Variants in ANKRD42 observed in about 807,000 individuals in gnomAD.
The protein encoded by ANKRD42 is ankyrin repeat domain-containing protein 42.
Under a neutral mutation model 51.5 loss-of-function variants are expected in ANKRD42, and 43 were observed. The ratio of observed to expected loss-of-function variants is 0.83; its 90% confidence interval spans 0.65 to 1.08. ANKRD42 has a LOEUF of 1.08. Among genes scored for constraint, ANKRD42 ranks in the 50% least tolerant of loss-of-function variants. ANKRD42 has a pLI of 0.00. For missense variants in ANKRD42, 608 were observed against 629.3 expected (o/e 0.97, Z 0.36); for synonymous variants, 203 against 213.0 (o/e 0.95, Z 0.41).
intron 1 of ANKRD42, among the ~76,000 whole-genome samples, chr11:83,197,806 A>G (rs554183272): frequency 3.9e-5 from 6 of 152,250 alleles, no homozygotes; most frequent in Non-Finnish European, 8.8e-5. Context: ...TTCTTAGTGT[A>G]AGACATAAAT....
At chr11:83,209,587 A>G in intron 3 of ANKRD42, 2 of 908,710 alleles carry the variant, frequency 2.2e-6, no homozygotes, top group Admixed American at 3.4e-5. Context: ...ATGAACCAGA[A>G]CCTCACATAT....
At chr11:83,245,741 T>C (rs1565197457) in intron 10 of ANKRD42, 117 bp downstream of exon 10, 2 of 1,163,656 alleles carry the variant, frequency 1.7e-6, no homozygotes, top group East Asian at 5.2e-5. Context: ...GGTTCCATCC[T>C]GTTTTTCTCC....
intron 8 of ANKRD42, among the ~76,000 whole-genome samples, chr11:83,238,606 G>A (rs1276121726): frequency 5.3e-5 from 8 of 152,074 alleles, no homozygotes; most frequent in East Asian, 1.9e-4. Flanking sequence ...CGAGGCGGGC[G>A]GATCACCTGA....
At chr11:83,223,111 G>A (rs185191679) in intron 5 of ANKRD42, among the ~76,000 whole-genome samples, 11 of 152,230 alleles carry the variant, frequency 7.2e-5, no homozygotes, top group African/African-American at 1.7e-4. Flanking sequence ...ATTGCTGGGC[G>A]TAGTGGCACA....
At chr11:83,262,062 C>A (rs1863958323), downstream of ANKRD42, 12 of 809,260 alleles carry the variant, frequency 1.5e-5, no homozygotes, top group South Asian at 2.4e-4. Context: ...GAGCAAAAAA[C>A]AGGAAATCCA....
At chr11:83,219,118 T>TCTG (rs1404735783) in intron 5 of ANKRD42, among the ~76,000 whole-genome samples, 2 of 152,312 alleles carry the variant, frequency 1.3e-5, no homozygotes, top group African/African-American at 4.8e-5. Context: ...CAGAGGGATG[T>TCTG]CTGCACCTCT....
chr11:83,255,252 C>A (rs1363194450), intron 11 of ANKRD42, among the ~76,000 whole-genome samples: 2 of 152,170 alleles, frequency 1.3e-5, no homozygotes, highest in Non-Finnish European at 2.9e-5. Flanking sequence ...TCTAGCCCTG[C>A]TTGCTCCTTC....
intron 1 of ANKRD42, among the ~76,000 whole-genome samples, chr11:83,197,103 A>G (rs2135473436): frequency 6.6e-6 from 1 of 152,268 alleles, no homozygotes; most frequent in Middle Eastern, 3.4e-3. Flanking sequence ...GTATGTGTAC[A>G]TGTGCACACC....
downstream of ANKRD42, chr11:83,261,991 T>C (rs1863954076): frequency 4.0e-6 from 6 of 1,508,322 alleles, no homozygotes; most frequent in Middle Eastern, 1.7e-4. Flanking sequence ...AACTGTGTTA[T>C]AGGTCTTGTA....
chr11:83,256,039 T>G (rs1258664592), exon 12 of ANKRD42: 3 of 769,540 alleles, frequency 3.9e-6, no homozygotes, highest in Non-Finnish European at 3.9e-6. Flanking sequence ...CTGATATGCT[T>G]CTGTTCCAAT....
intron 3 of ANKRD42, among the ~76,000 whole-genome samples, chr11:83,208,091 A>G (rs1269107630): frequency 6.6e-6 from 1 of 152,060 alleles, no homozygotes; most frequent in African/African-American, 2.4e-5. Context: ...TGCCCTGGTC[A>G]TGACTCACTG....
intron 5 of ANKRD42, among the ~76,000 whole-genome samples, chr11:83,223,067 A>G (rs143289728): frequency 0.021 from 3,193 of 152,242 alleles, 99 homozygotes; most frequent in African/African-American, 0.072. Context: ...CCTGGCCAAC[A>G]TGGTGAAACC....
At position 83,193,754 on chromosome 11, in the gene ANKRD42, T is replaced by G. The variant is rs750526778; in HGVS notation, c.-917T>G. The G allele has an allele frequency of 2.3e-6, 1 of 432,804 alleles. No individual in the cohort carries two copies. Among genetic ancestry groups the G allele is most frequent in the Admixed American group, 2.8e-5 (1 of 36,264 alleles). 26.8% of individuals were successfully genotyped at this position (432,804 alleles called of 1,614,324 possible). ...CGGCCCTGCTGCCTCTCCAGCCAAG[T>G]GGCTGGAGTCGGGAGGCTGGAAAGA... On this transcript the variant is annotated 5_prime_UTR_variant, in exon 1 of 11. Transcript: ENST00000533342.
chr11:83,207,990 C>G (rs1001225540), intron 3 of ANKRD42, among the ~76,000 whole-genome samples: 1 of 152,076 alleles, frequency 6.6e-6, no homozygotes, highest in Non-Finnish European at 1.5e-5. Flanking sequence ...CCTCCTCAAC[C>G]CTGTGATTAC....
intron 2 of ANKRD42, among the ~76,000 whole-genome samples, chr11:83,200,407 A>G (rs994414581): frequency 7.2e-5 from 11 of 152,208 alleles, no homozygotes; most frequent in Admixed American, 2.6e-4. Flanking sequence ...ATCATAGCTC[A>G]TGCATATCTG....
In ANKRD42 at chr11:83,193,780, G is replaced by A. The variant is rs528784773; in HGVS notation, c.-891G>A. 8.9e-6 allele frequency: 4 copies of A among 450,078 alleles called. No homozygotes were observed. Among genetic ancestry groups the A allele is most frequent in the Non-Finnish European group, 1.8e-5 (4 of 224,262 alleles). 27.9% of individuals were successfully genotyped at this position (450,078 alleles called of 1,614,324 possible). On this transcript the variant is annotated 5_prime_UTR_variant, in exon 1 of 11. Transcript: ENST00000533342. Reference sequence around the variant, plus strand: ...GGCTGGAGTCGGGAGGCTGGAAAGAGACTCCGAGAAAGTACCAGCGGAAGG... The same window carrying A: ...GGCTGGAGTCGGGAGGCTGGAAAGAAACTCCGAGAAAGTACCAGCGGAAGG...
chr11:83,211,416 A>G lies in ANKRD42; in HGVS notation c.572A>G (p.Asn191Ser), dbSNP rs377748743. ...TGTAGCATAGAAGATGTGGACTACA[A>G]TGGAAACCTTCCAGGTATTTTAAAT... ...WGCSIEDVDYNGNLPVHLAAM... is the reference protein window; with the variant it reads ...WGCSIEDVDYSGNLPVHLAAM... The change falls in exon 5 of 11, where the codon AAT becomes AGT. Residue 191 changes from asparagine to serine, a missense_variant. Asn to Ser is a conservative substitution (Grantham distance 46). Coordinates refer to ENST00000533342, the MANE Select transcript of ANKRD42 (RefSeq NM_001300975.2). 22 of 1,614,018 alleles carry G rather than the reference A, an allele frequency of 1.4e-5. No homozygotes were observed. The highest frequency in any genetic ancestry group is 1.4e-5 in the Non-Finnish European group (17 of 1,180,016).
intron 5 of ANKRD42, among the ~76,000 whole-genome samples, chr11:83,216,615 C>A (rs572627479): frequency 6.6e-6 from 1 of 152,310 alleles, no homozygotes; most frequent in Non-Finnish European, 1.5e-5. Context: ...TGAGCCACCG[C>A]GCCCGGCCCC....
downstream of ANKRD42, among the ~76,000 whole-genome samples, chr11:83,256,557 C>CTCTTT (rs1863778478): frequency 6.6e-6 from 1 of 152,124 alleles, no homozygotes; most frequent in Non-Finnish European, 1.5e-5. Context: ...CTACCCCCCT[C>CTCTTT]TCTTTTCTCT....
Sources: allele counts gnomAD v4.1 joint callset (sites outside exome capture counted in the v4.1 genomes callset), GRCh38; gene constraint gnomAD v4.1.1; transcripts MANE v1.5; gene names NCBI Gene and HGNC (gene_info 2026-07-23, HGNC 2026-07-21).